The following ANO3 variants were observed in gnomAD, a reference collection of about 807,000 sequenced individuals.
The protein encoded by ANO3 is anoctamin-3.
Under a neutral mutation model 144.8 loss-of-function variants are expected in ANO3, and 99 were observed. That is an observed-to-expected ratio of 0.68 (90% CI 0.58 to 0.81). The LOEUF (loss-of-function observed/expected upper bound fraction) is 0.81, where lower values mean the gene tolerates loss of function less well. ANO3 is among the 30% of genes least tolerant of loss of function. ANO3 has a pLI of 0.00. For synonymous variants in ANO3, 414 were observed against 392.6 expected, an observed-to-expected ratio of 1.05 and a Z score of -0.64; for missense variants, 905 against 1,202.2, an observed-to-expected ratio of 0.75 and a Z score of 3.66.
At position 26,202,735 on chromosome 11, in the gene ANO3, A is replaced by G. The variant is rs11029384; in HGVS notation, c.154+13405A>G. Among the ~76,000 whole-genome samples, 178 of 152,146 alleles carry G rather than the reference A, an allele frequency of 1.2e-3. 2 individuals are homozygous for G. In the East Asian group the frequency reaches 0.027, roughly 23 times the overall value. On this transcript the variant is annotated intron_variant, in intron 1 of 27. Transcript: ENST00000672621. The stretch of plus-strand genomic sequence containing the variant: ...AGCAACACACAGTTGAGGAAAAAAA[A>G]AATCAGTGTTTAATGCCAACCCAGA...
At chr11:26,536,434 A>G (rs888625037) in intron 9 of ANO3, among the ~76,000 whole-genome samples, 8 of 152,184 alleles carry the variant, frequency 5.3e-5, no homozygotes, top group Non-Finnish European at 7.4e-5. Context: ...TTATGACATT[A>G]TAAATAATTA....
chr11:26,286,999 G>A (rs1277478184), intron 1 of ANO3, among the ~76,000 whole-genome samples: 2 of 152,074 alleles, frequency 1.3e-5, no homozygotes, highest in African/African-American at 2.4e-5. Context: ...ATAAATCAAT[G>A]GAAGCACAAG....
chr11:26,442,955 T>C (rs139294504), intron 2 of ANO3, among the ~76,000 whole-genome samples: 1,952 of 152,084 alleles, frequency 0.013, 51 homozygotes, highest in African/African-American at 0.044. Flanking sequence ...TAGTAGAGAC[T>C]GGGTTTCATC....
chr11:26,293,531 ATG>A (rs68162173), intron 1 of ANO3, among the ~76,000 whole-genome samples: 13,107 of 21,314 alleles, frequency 0.61, 3,658 homozygotes, highest in South Asian at 0.67. Context: ...TATAAATTCC[ATG>A]TATATATATA....
intron 10 of ANO3, among the ~76,000 whole-genome samples, chr11:26,539,950 T>C (rs1310939349): frequency 6.6e-6 from 1 of 152,146 alleles, no homozygotes; most frequent in Admixed American, 6.6e-5. Context: ...GAGCCATACA[T>C]TGGAGTGAGG....
At chr11:26,209,189 C>A (rs1204120793) in intron 1 of ANO3, among the ~76,000 whole-genome samples, 1 of 152,168 alleles carries the variant, frequency 6.6e-6, no homozygotes, top group African/African-American at 2.4e-5. Context: ...TATTCCTCTC[C>A]CTGTGTCCAT....
chr11:26,361,719 C>G (rs1855933386), intron 1 of ANO3, among the ~76,000 whole-genome samples: 1 of 152,172 alleles, frequency 6.6e-6, no homozygotes, highest in Admixed American at 6.5e-5. Flanking sequence ...GCGCCCTTTA[C>G]AAAACCACCA....
At chr11:26,276,384 T>C (rs1462905779) in intron 1 of ANO3, among the ~76,000 whole-genome samples, 1 of 152,112 alleles carries the variant, frequency 6.6e-6, no homozygotes, top group African/African-American at 2.4e-5. Flanking sequence ...TCAGACCCCA[T>C]TCGAGAAACT....
At chr11:26,553,630 A>G (rs756152053) in intron 13 of ANO3, among the ~76,000 whole-genome samples, 2 of 152,266 alleles carry the variant, frequency 1.3e-5, no homozygotes, top group African/African-American at 2.4e-5. Flanking sequence ...TTAGCAAACA[A>G]TTACTTCTAT....
intron 1 of ANO3, among the ~76,000 whole-genome samples, chr11:26,377,288 A>C (rs760806034): frequency 3.9e-5 from 6 of 152,170 alleles, no homozygotes; most frequent in Non-Finnish European, 8.8e-5. Flanking sequence ...CAGATATTGA[A>C]TTATCAAATG....
chr11:26,372,441 A>T (rs1166496569), intron 1 of ANO3, among the ~76,000 whole-genome samples: 2 of 152,198 alleles, frequency 1.3e-5, no homozygotes, highest in African/African-American at 4.8e-5. Flanking sequence ...TCATAATGAA[A>T]AGTCAGACCT....
intron 4 of ANO3, among the ~76,000 whole-genome samples, chr11:26,502,870 G>A (rs7119520): frequency 0.059 from 8,646 of 146,594 alleles, 505 homozygotes; most frequent in African/African-American, 0.15. Flanking sequence ...AAAAAAGCCT[G>A]TCACCTTCAC....
At chr11:26,457,404 A>G (rs1317713762) in intron 3 of ANO3, among the ~76,000 whole-genome samples, 1 of 151,640 alleles carries the variant, frequency 6.6e-6, no homozygotes, top group East Asian at 1.9e-4. Flanking sequence ...AGGTAATTAC[A>G]TTGTTTCCTA....
intron 1 of ANO3, among the ~76,000 whole-genome samples, chr11:26,423,417 A>G (rs1385412790): frequency 6.6e-6 from 1 of 151,518 alleles, no homozygotes; most frequent in East Asian, 1.9e-4. Flanking sequence ...TAACTCAAAA[A>G]TTGTTTAGAA....
At chr11:26,560,142 T>C (rs957700243) in intron 14 of ANO3, 1 of 190,202 alleles carries the variant, frequency 5.3e-6, no homozygotes, top group Non-Finnish European at 1.1e-5. Context: ...GATATTTCCA[T>C]TCATCTTTTT....
At chr11:26,435,263 T>C (rs920514252) in intron 1 of ANO3, among the ~76,000 whole-genome samples, 39 of 152,236 alleles carry the variant, frequency 2.6e-4, no homozygotes, top group Admixed American at 2.6e-3. Context: ...CTCTTCTGGC[T>C]TGCAGGGTTT....
chr11:26,321,918 C>G (rs1259305335), intron 1 of ANO3, among the ~76,000 whole-genome samples: 1 of 151,966 alleles, frequency 6.6e-6, no homozygotes, highest in Non-Finnish European at 1.5e-5. Flanking sequence ...TATTGCTATA[C>G]TTTCAGTGTT....
chr11:26,484,601 G>A (rs550361227), intron 4 of ANO3, among the ~76,000 whole-genome samples: 16 of 152,328 alleles, frequency 1.1e-4, no homozygotes, highest in African/African-American at 3.8e-4. Context: ...GAAATGTGGG[G>A]TTGGAGCCCC....
intron 4 of ANO3, among the ~76,000 whole-genome samples, chr11:26,475,746 A>C (rs1165516449): frequency 6.6e-6 from 1 of 152,080 alleles, no homozygotes; most frequent in Non-Finnish European, 1.5e-5. Context: ...CTAATTATTA[A>C]ATTAAAATAT....
Sources: allele counts gnomAD v4.1 joint callset (sites outside exome capture counted in the v4.1 genomes callset), GRCh38; gene constraint gnomAD v4.1.1; transcripts MANE v1.5; gene names NCBI Gene and HGNC (gene_info 2026-07-23, HGNC 2026-07-21).